Variants in MAST4 observed in about 807,000 individuals in gnomAD.
The protein encoded by MAST4 is microtubule-associated serine/threonine-protein kinase 4.
A neutral mutation model predicts 162.7 loss-of-function variants in MAST4; 89 were observed. That is an observed-to-expected ratio of 0.55 (90% CI 0.46 to 0.65). The LOEUF (loss-of-function observed/expected upper bound fraction) is 0.65, where lower values mean the gene tolerates loss of function less well. MAST4 is among the 30% of genes least tolerant of loss of function. The pLI, the probability that MAST4 is intolerant of heterozygous loss-of-function variation, is 0.00. For missense variants in MAST4, 3,153 were observed against 3,374.0 expected (o/e 0.93, Z 1.62); for synonymous variants, 1,479 against 1,361.1 (o/e 1.09, Z -1.91).
chr5:66,845,082 TC>T, intron 3 of MAST4, among the ~76,000 whole-genome samples: 1 of 89,200 alleles, frequency 1.1e-5, no homozygotes, highest in Non-Finnish European at 2.0e-5. Flanking sequence ...AGGTCACTAA[TC>T]TTTATATATA....
Position 67,162,743 on chromosome 5 carries a change from C to A in MAST4, c.3922C>A (p.Arg1308=). 6.2e-7 allele frequency: 1 copy of A among 1,613,882 alleles called. No individual in the cohort carries two copies. The highest frequency in any genetic ancestry group is 8.5e-7 in the Non-Finnish European group (1 of 1,179,866). The change falls in exon 28 of 29, where the codon CGG becomes AGG. Residue 1308 remains arginine (R), a synonymous_variant. Transcript: ENST00000403625. The part of the protein sequence containing the change: ...PGSPTHSLSP[R]SPTPSYRSTP... ...TTCCCCCACTCATAGCTTGTCTCCC[C>A]GGTCTCCAACACCAAGCTACCGCTC...
At chr5:66,651,678 G>C (rs893540286) in intron 1 of MAST4, among the ~76,000 whole-genome samples, 1 of 152,120 alleles carries the variant, frequency 6.6e-6, no homozygotes, top group Non-Finnish European at 1.5e-5. Flanking sequence ...TCAGGAATCT[G>C]GATGTGGCTT....
Position 67,165,365 on chromosome 5 carries a change from C to G in MAST4, c.6186C>G (p.His2062Gln), listed in dbSNP as rs757533647. ...CGCCCAGAGACAACTCCTCTCTGCACTCAGCTGGAATTCCCTGTGAGAAGG... is the reference window on the plus strand; with the variant it reads ...CGCCCAGAGACAACTCCTCTCTGCAGTCAGCTGGAATTCCCTGTGAGAAGG... The part of the protein sequence containing the change: ...RPPPRDNSSL[H>Q]SAGIPCEKEL... Residue 2062 changes from histidine (H) to glutamine (Q), a missense_variant, in exon 29 of 29, where the codon CAC (histidine) becomes CAG (glutamine). Coordinates refer to ENST00000403625, the MANE Select transcript of MAST4 (RefSeq NM_001164664.2). The G allele has an allele frequency of 2.2e-5, 36 of 1,613,646 alleles. No individual in the cohort carries two copies. The highest frequency in any genetic ancestry group is 3.1e-5 in the Non-Finnish European group (36 of 1,179,886).
intron 1 of MAST4, among the ~76,000 whole-genome samples, chr5:66,610,377 A>G (rs1026030059): frequency 1.3e-5 from 2 of 152,216 alleles, no homozygotes; most frequent in African/African-American, 4.8e-5. Context: ...ATCAGCCTAC[A>G]ACAGCCTAAT....
At chr5:66,649,493 T>G (rs769278006) in intron 1 of MAST4, among the ~76,000 whole-genome samples, 1 of 152,174 alleles carries the variant, frequency 6.6e-6, no homozygotes, top group Non-Finnish European at 1.5e-5. Context: ...GATCGAATCA[T>G]CTGTCAAGTC....
At chr5:67,017,892 C>T (rs886264366) in intron 4 of MAST4, among the ~76,000 whole-genome samples, 4 of 152,012 alleles carry the variant, frequency 2.6e-5, no homozygotes, top group Admixed American at 1.3e-4. Context: ...CCACCGCACC[C>T]GGCCAAGTAT....
In MAST4 at chr5:67,080,932, A is replaced by ATT. The variant is rs1762518817; in HGVS notation, c.764-9229_764-9228dup. On this transcript the variant is annotated intron_variant, in intron 5 of 28. Coordinates refer to ENST00000403625, the MANE Select transcript of MAST4 (RefSeq NM_001164664.2). ...TTATGGTTAATTAATGTTTTCTTTA[A>ATT]TTATATATATTATATAATATAATAT... 2.8e-5 allele frequency among the ~76,000 whole-genome samples: 4 copies of ATT among 140,698 alleles called. 1 individual carries two copies. The Admixed American group carries it at 3.1e-4, about 11-fold the overall frequency. 92.3% of individuals were successfully genotyped at this position (140,698 alleles called of 152,430 possible).
intron 1 of MAST4, among the ~76,000 whole-genome samples, chr5:66,732,028 C>T (rs145285106): frequency 8.5e-5 from 13 of 152,078 alleles, no homozygotes; most frequent in East Asian, 2.0e-4. Context: ...ACCAGTCCCA[C>T]GCAGGCCCTT....
intron 1 of MAST4, among the ~76,000 whole-genome samples, chr5:66,638,137 T>C (rs533758976): frequency 1.3e-5 from 2 of 152,330 alleles, no homozygotes; most frequent in South Asian, 4.1e-4. Context: ...AAGAGCTCCT[T>C]ACTCTTACAC....
intron 4 of MAST4, among the ~76,000 whole-genome samples, chr5:67,006,560 G>A (rs1007187616): frequency 2.9e-4 from 44 of 152,292 alleles, no homozygotes; most frequent in African/African-American, 1.1e-3. Context: ...GTGTAGTCCT[G>A]GCTGCGGTAC....
intron 3 of MAST4, among the ~76,000 whole-genome samples, chr5:66,856,207 T>G (rs1163154158): frequency 6.6e-6 from 1 of 152,066 alleles, no homozygotes; most frequent in South Asian, 2.1e-4. Context: ...TTGCATGAGG[T>G]TAGTCTGAGC....
chr5:66,837,477 T>C (rs1398820418), intron 3 of MAST4, among the ~76,000 whole-genome samples: 7 of 152,104 alleles, frequency 4.6e-5, no homozygotes, highest in Admixed American at 4.6e-4. Flanking sequence ...CTTTATGTAG[T>C]ATTTAGCACC....
intron 4 of MAST4, among the ~76,000 whole-genome samples, chr5:66,997,428 T>G (rs1169293146): frequency 2.7e-5 from 4 of 150,258 alleles, no homozygotes; most frequent in African/African-American, 7.4e-5. Context: ...TTTTTTTTCT[T>G]TTCTCTTTTT....
intron 3 of MAST4, among the ~76,000 whole-genome samples, chr5:66,810,979 T>G (rs1756448232): frequency 6.6e-6 from 1 of 152,204 alleles, no homozygotes; most frequent in Non-Finnish European, 1.5e-5. Context: ...CCCTCTATTC[T>G]TCTAAGTGGG....
intron 3 of MAST4, among the ~76,000 whole-genome samples, chr5:66,877,031 C>T (rs909744553): frequency 1.3e-5 from 2 of 152,074 alleles, no homozygotes; most frequent in African/African-American, 2.4e-5. Context: ...TGCAAATAGC[C>T]GAATATCCAT....
chr5:67,163,775 G>A lies in MAST4; in HGVS notation c.4596G>A (p.Leu1532=). The part of the protein sequence containing the change: ...ESVDDLDRDK[L]KAKVVVKKAD... ...TGGACGACCTGGACCGCGACAAGCT[G>A]AAGGCCAAGGTGGTGGTGAAGAAAG... Residue 1532 remains leucine (L), a synonymous_variant, in exon 29 of 29, where the codon CTG becomes CTA. Coordinates refer to ENST00000403625, the MANE Select transcript of MAST4 (RefSeq NM_001164664.2). The surrounding 1 kb of genome is among the most constrained non-coding windows in gnomAD (Gnocchi z 7.0). The A allele has an allele frequency of 3.7e-6, 6 of 1,611,118 alleles. No homozygotes were observed. The highest frequency in any genetic ancestry group is 5.1e-6 in the Non-Finnish European group (6 of 1,178,666).
At chr5:66,913,474 G>A (rs1269532874) in intron 4 of MAST4, among the ~76,000 whole-genome samples, 1 of 151,878 alleles carries the variant, frequency 6.6e-6, no homozygotes, top group Admixed American at 6.6e-5. Context: ...GAGTTGTTTT[G>A]CTAAGTAATA....
At chr5:67,090,434 CTCCCCCTCCCCGCTT>C (rs1763729575) in intron 6 of MAST4, among the ~76,000 whole-genome samples, 2 of 37,546 alleles carry the variant, frequency 5.3e-5, no homozygotes, top group African/African-American at 4.2e-4. Flanking sequence ...CACTTCCCCC[CTCCCCCTCCCCGCTT>C]CTCCCCCTCC....
At chr5:66,770,431 C>T (rs1022508727) in intron 2 of MAST4, among the ~76,000 whole-genome samples, 28 of 152,158 alleles carry the variant, frequency 1.8e-4, no homozygotes, top group Non-Finnish European at 3.1e-4. Flanking sequence ...AGCCTTCTGC[C>T]GGAGCTCATC....
Sources: gnomAD v4.1 joint callset for allele counts (sites outside exome capture counted in the v4.1 genomes callset) on GRCh38, gnomAD v4.1.1 for gene constraint, Gnocchi (gnomAD v3.1) non-coding constraint, MANE v1.5 for transcripts, NCBI Gene and HGNC (gene_info 2026-07-23, HGNC 2026-07-21) for gene names.